CDH12: variants seen among roughly 807,000 people sequenced by gnomAD.
The protein encoded by CDH12 is cadherin-12.
A neutral mutation model predicts 74.1 loss-of-function variants in CDH12; 41 were observed. The ratio of observed to expected loss-of-function variants is 0.55; its 90% CI spans 0.43 to 0.72. The LOEUF (loss-of-function observed/expected upper bound fraction) is 0.72. Among genes scored for constraint, CDH12 ranks in the 30% least tolerant of loss-of-function variants. The pLI, the probability that CDH12 is intolerant of heterozygous loss-of-function variation, is 0.00. For synonymous variants in CDH12, 399 were observed against 355.0 expected (o/e 1.12, Z -1.39); for missense variants, 945 against 977.2 (o/e 0.97, Z 0.44).
chr5:22,761,029 T>C (rs1746201123), intron 1 of CDH12, among the ~76,000 whole-genome samples: 1 of 152,234 alleles, frequency 6.6e-6, no homozygotes, highest in South Asian at 2.1e-4. Context: ...TCTTATATCA[T>C]TTTACAAACA....
At chr5:21,766,093 TATA>T (rs1287210621) in intron 11 of CDH12, among the ~76,000 whole-genome samples, 1 of 152,006 alleles carries the variant, frequency 6.6e-6, no homozygotes, top group Non-Finnish European at 1.5e-5. Context: ...ACCAAAGACT[TATA>T]ATATTCTTTT....
At chr5:22,444,497 C>G (rs1164469699) in intron 2 of CDH12, among the ~76,000 whole-genome samples, 1 of 150,806 alleles carries the variant, frequency 6.6e-6, no homozygotes, top group African/African-American at 2.4e-5. Context: ...CCTAAAGATG[C>G]AAAGATCAAA....
intron 1 of CDH12, among the ~76,000 whole-genome samples, chr5:22,631,474 G>A (rs1738582491): frequency 6.6e-6 from 1 of 152,004 alleles, no homozygotes; most frequent in South Asian, 2.1e-4. Context: ...ATGAGATTAT[G>A]TCATTTGCAG....
chr5:22,711,756 C>A (rs932758036), intron 1 of CDH12, among the ~76,000 whole-genome samples: 1 of 151,818 alleles, frequency 6.6e-6, no homozygotes, highest in African/African-American at 2.4e-5. Flanking sequence ...TGTGAAATAA[C>A]AAAGGAGAAA....
chr5:22,477,946 T>G (rs1236026998), intron 2 of CDH12, among the ~76,000 whole-genome samples: 1 of 151,240 alleles, frequency 6.6e-6, no homozygotes, highest in Non-Finnish European at 1.5e-5. Flanking sequence ...CATTATCAGT[T>G]GTGTCTCGTG....
intron 5 of CDH12, among the ~76,000 whole-genome samples, chr5:21,979,969 G>C (rs1212483291): frequency 6.6e-6 from 1 of 151,524 alleles, no homozygotes; most frequent in East Asian, 1.9e-4. Flanking sequence ...ACTTTTTAAT[G>C]ATTGCCATTC....
At position 22,515,001 on chromosome 5, in the gene CDH12, T is replaced by C. The variant is rs192105769; in HGVS notation, c.-522-9637A>G. Among the ~76,000 whole-genome samples the C allele has an allele frequency of 4.3e-3, 655 of 152,292 alleles. 2 individuals are homozygous for C. The highest frequency in any genetic ancestry group is 6.6e-3 in the Non-Finnish European group (446 of 67,980). The stretch of plus-strand genomic sequence containing the variant: ...GCAAAATTTCTGAACAATGTTTAAA[T>C]AATTGCATTTTAATAACTGTTTTAA... On this transcript the variant is annotated intron_variant, in intron 1 of 14. Transcript: ENST00000382254.
At chr5:22,287,445 C>T (rs1048485495) in intron 3 of CDH12, among the ~76,000 whole-genome samples, 2 of 151,978 alleles carry the variant, frequency 1.3e-5, no homozygotes, top group African/African-American at 4.8e-5. Flanking sequence ...GTATAACAGG[C>T]TGGGCGCGGT....
At chr5:22,586,009 T>C (rs913491553) in intron 1 of CDH12, among the ~76,000 whole-genome samples, 2 of 152,188 alleles carry the variant, frequency 1.3e-5, no homozygotes, top group Admixed American at 1.3e-4. Context: ...CAAAGGAATA[T>C]ATATCATGCT....
intron 3 of CDH12, among the ~76,000 whole-genome samples, chr5:22,276,009 G>A (rs1315830242): frequency 6.6e-6 from 1 of 151,880 alleles, no homozygotes; most frequent in African/African-American, 2.4e-5. Context: ...GACAACTATT[G>A]TTGGAATTGC....
At chr5:22,633,297 G>A (rs956094807) in intron 1 of CDH12, among the ~76,000 whole-genome samples, 3 of 152,020 alleles carry the variant, frequency 2.0e-5, no homozygotes, top group Non-Finnish European at 2.9e-5. Context: ...CTCAGGTAAG[G>A]CAACTATAAA....
chr5:22,453,040 C>T (rs915076133), intron 2 of CDH12, among the ~76,000 whole-genome samples: 1 of 151,754 alleles, frequency 6.6e-6, no homozygotes, highest in African/African-American at 2.4e-5. Context: ...TGAAGTATCA[C>T]CTCACTGCAG....
intron 2 of CDH12, among the ~76,000 whole-genome samples, chr5:22,442,839 T>C (rs1744679454): frequency 6.6e-6 from 1 of 152,186 alleles, no homozygotes; most frequent in Admixed American, 6.6e-5. Flanking sequence ...AGAGTACTTC[T>C]GGTTCGCAAC....
chr5:22,560,734 C>T (rs1739012496), intron 1 of CDH12, among the ~76,000 whole-genome samples: 1 of 152,016 alleles, frequency 6.6e-6, no homozygotes, highest in African/African-American at 2.4e-5. Context: ...GGACTAACCA[C>T]CTTACAAAGG....
chr5:22,025,400 T>C (rs1333882269), intron 5 of CDH12, among the ~76,000 whole-genome samples: 3 of 152,172 alleles, frequency 2.0e-5, no homozygotes, highest in African/African-American at 7.2e-5. Context: ...TATACTATAT[T>C]AAGAGTACAA....
At chr5:22,762,599 A>G (rs111284930) in intron 1 of CDH12, among the ~76,000 whole-genome samples, 112 of 152,120 alleles carry the variant, frequency 7.4e-4, no homozygotes, top group African/African-American at 2.5e-3. Flanking sequence ...AATTGAATCC[A>G]CATAGCTAAA....
intron 6 of CDH12, among the ~76,000 whole-genome samples, chr5:21,943,363 CT>C (rs1755424787): frequency 6.6e-6 from 1 of 152,098 alleles, no homozygotes; most frequent in Non-Finnish European, 1.5e-5. Flanking sequence ...TGAATTTATT[CT>C]CAAAATTTTA....
intron 8 of CDH12, among the ~76,000 whole-genome samples, chr5:21,840,495 G>GA (rs1749778688): frequency 6.6e-6 from 1 of 151,202 alleles, no homozygotes; most frequent in Non-Finnish European, 1.5e-5. Context: ...CACAGAATTG[G>GA]AAAAAACTAC....
chr5:22,206,995 C>T (rs1580401811), intron 4 of CDH12, among the ~76,000 whole-genome samples: 1 of 150,498 alleles, frequency 6.6e-6, no homozygotes, highest in Non-Finnish European at 1.5e-5. Context: ...GGATGGATCA[C>T]GAGGTCAGGA....
Sources: gnomAD v4.1 joint callset for allele counts (sites outside exome capture counted in the v4.1 genomes callset) on GRCh38, gnomAD v4.1.1 for gene constraint, MANE v1.5 for transcripts, NCBI Gene and HGNC (gene_info 2026-07-23, HGNC 2026-07-21) for gene names.